The following PMFBP1 variants were observed in gnomAD, a reference collection of about 807,000 sequenced individuals.
PMFBP1 encodes the protein polyamine modulated factor 1 binding protein 1, also known as polyamine-modulated factor 1-binding protein 1.
Under a neutral mutation model 137.8 loss-of-function variants are expected in PMFBP1, and 131 were observed. That is an observed-to-expected ratio of 0.95 (90% CI 0.82 to 1.10). The LOEUF (loss-of-function observed/expected upper bound fraction) is 1.10, where lower values mean the gene tolerates loss of function less well. Among genes scored for constraint, PMFBP1 ranks in the 50% least tolerant of loss-of-function variants. PMFBP1 has a pLI of 0.00. For synonymous variants in PMFBP1, 490 were observed against 450.4 expected (o/e 1.09, Z -1.11); for missense variants, 1,199 against 1,175.4 (o/e 1.02, Z -0.29).
intron 4 of PMFBP1, among the ~76,000 whole-genome samples, chr16:72,151,181 T>C (rs2042897469): frequency 6.6e-6 from 1 of 152,218 alleles, no homozygotes; most frequent in South Asian, 2.1e-4. Flanking sequence ...TATTTTTTCC[T>C]TCCCAGGCAT....
chr16:72,148,172 A>G (rs551558301), intron 5 of PMFBP1, among the ~76,000 whole-genome samples: 3 of 152,350 alleles, frequency 2.0e-5, no homozygotes, highest in African/African-American at 4.8e-5. Flanking sequence ...CATATACACC[A>G]TGGAATACTA....
rs151208185 is a variant in PMFBP1 at position 72,164,787 on chromosome 16, C to T, written c.142G>A (p.Glu48Lys). 6.3e-7 allele frequency: 1 copy of T among 1,596,880 alleles called. No individual in the cohort carries two copies. Among genetic ancestry groups the T allele is most frequent in the African/African-American group, 1.3e-5 (1 of 74,630 alleles). ...KTLQDNQLCM[E>K]EAMNSSHDKK... is the part of the protein sequence containing the mutation. ...ACGTGGCTGCTGTTCATTGCCTCCT[C>T]CATGCAGAGCTGATTGTCCTGCAAG... The change falls in exon 3 of 21, where the codon GAG becomes AAG. Residue 48 changes from glutamate (E) to lysine (K), a missense_variant. Glu to Lys is a moderately conservative substitution (Grantham distance 56). Transcript: ENST00000237353.
the PMFBP1 span, among the ~76,000 whole-genome samples, chr16:72,205,800 A>T: frequency 6.6e-6 from 1 of 152,078 alleles, no homozygotes; most frequent in East Asian, 1.9e-4. Flanking sequence ...ATTTTTATCC[A>T]CAGAATTCAG....
At chr16:72,221,400 C>T in the PMFBP1 span, among the ~76,000 whole-genome samples, 1 of 152,238 alleles carries the variant, frequency 6.6e-6, no homozygotes, top group South Asian at 2.1e-4. Context: ...TGGCCCGCTG[C>T]TCCGGCAATT....
At position 72,122,995 on chromosome 16, in the gene PMFBP1, T is replaced by G. The variant is rs2042398709; in HGVS notation, c.2694-7A>C. The G allele has an allele frequency of 6.2e-7, 1 of 1,611,728 alleles. No individual in the cohort carries two copies. Among genetic ancestry groups the G allele is most frequent in the Non-Finnish European group, 8.5e-7 (1 of 1,179,484 alleles). ...TAGTTTCTCATTGGCGACCCTGTAA[T>G]AAAATCACAGGAGAAAACAGCAGCC... On this transcript the variant is annotated splice_region_variant and splice_polypyrimidine_tract_variant and intron_variant, in intron 18 of 20. Transcript: ENST00000237353.
At chr16:72,219,551 G>GT in the PMFBP1 span, among the ~76,000 whole-genome samples, 1 of 117,740 alleles carries the variant, frequency 8.5e-6, no homozygotes, top group Non-Finnish European at 1.7e-5. Flanking sequence ...CTCAATGTGG[G>GT]CGGGGGGGCC....
chr16:72,205,349 C>T, the PMFBP1 span, among the ~76,000 whole-genome samples: 9 of 152,214 alleles, frequency 5.9e-5, no homozygotes, highest in East Asian at 1.9e-4. Flanking sequence ...CTCCTGCTAC[C>T]GATTTTCCCT....
At chr16:72,132,709 C>T in intron 10 of PMFBP1, 39 bp downstream of exon 10, 2 of 1,613,118 alleles carry the variant, frequency 1.2e-6, no homozygotes, top group Non-Finnish European at 1.7e-6. Flanking sequence ...TCTAGCCCCA[C>T]AGAAAAGTGT....
the PMFBP1 span, among the ~76,000 whole-genome samples, chr16:72,200,845 A>T: frequency 8.5e-5 from 13 of 152,216 alleles, no homozygotes; most frequent in Non-Finnish European, 1.9e-4. Context: ...ATAGAATCAC[A>T]CAGAGTAAGG....
At chr16:72,134,605 C>T (rs1440809289) in intron 9 of PMFBP1, among the ~76,000 whole-genome samples, 3 of 152,350 alleles carry the variant, frequency 2.0e-5, no homozygotes, top group Middle Eastern at 6.8e-3. Context: ...TGGTCCTAGG[C>T]TACCTGTCTG....
intron 2 of PMFBP1, among the ~76,000 whole-genome samples, chr16:72,167,691 G>A (rs2043164921): frequency 6.6e-6 from 1 of 152,168 alleles, no homozygotes; most frequent in Non-Finnish European, 1.5e-5. Context: ...CTGGCCACAG[G>A]ACTGTCTTTC....
intron 2 of PMFBP1, among the ~76,000 whole-genome samples, chr16:72,170,358 G>A (rs1056923443): frequency 6.6e-6 from 1 of 152,048 alleles, no homozygotes; most frequent in Non-Finnish European, 1.5e-5. Flanking sequence ...TGGTACATGG[G>A]ACAATCCTTT....
chr16:72,211,354 G>A, the PMFBP1 span, among the ~76,000 whole-genome samples: 1 of 152,120 alleles, frequency 6.6e-6, no homozygotes, highest in Non-Finnish European at 1.5e-5. Context: ...TTTCTTCTCT[G>A]AATAAACTAG....
At chr16:72,124,681 C>T in intron 17 of PMFBP1, 86 bp downstream of exon 17, 1 of 1,502,962 alleles carries the variant, frequency 6.7e-7, no homozygotes, top group Non-Finnish European at 9.0e-7. Context: ...CTCCCACCCC[C>T]ACCAAGGGCT....
the PMFBP1 span, among the ~76,000 whole-genome samples, chr16:72,209,274 C>A: frequency 2.0e-5 from 3 of 152,224 alleles, no homozygotes; most frequent in Non-Finnish European, 4.4e-5. Flanking sequence ...ATGTAAGTTG[C>A]TGCCAAACAT....
intron 5 of PMFBP1, among the ~76,000 whole-genome samples, chr16:72,150,034 T>C (rs1186981585): frequency 1.3e-5 from 2 of 152,208 alleles, no homozygotes; most frequent in Non-Finnish European, 2.9e-5. Context: ...ATCGTATTAC[T>C]TGTGTAATTA....
intron 12 of PMFBP1, 92 bp from the exon 13 acceptor site, chr16:72,129,325 G>A: frequency 1.4e-6 from 2 of 1,389,366 alleles, no homozygotes; most frequent in Non-Finnish European, 1.9e-6. Flanking sequence ...GCATGGCTGA[G>A]ATGAAGAAGA....
chr16:72,148,320 T>C (rs1206111694), intron 5 of PMFBP1, among the ~76,000 whole-genome samples: 1 of 128,078 alleles, frequency 7.8e-6, no homozygotes, highest in Non-Finnish European at 1.5e-5. Context: ...AGTTGAACAA[T>C]GAGAACACAT....
At chr16:72,144,261 G>C (rs1298863245) in intron 5 of PMFBP1, among the ~76,000 whole-genome samples, 1 of 151,964 alleles carries the variant, frequency 6.6e-6, no homozygotes, top group Admixed American at 6.6e-5. Flanking sequence ...TACATAATTT[G>C]AAAGTCAGTC....
Sources: gnomAD v4.1 joint callset for allele counts (sites outside exome capture counted in the v4.1 genomes callset) on GRCh38, gnomAD v4.1.1 for gene constraint, MANE v1.5 for transcripts, NCBI Gene and HGNC (gene_info 2026-07-23, HGNC 2026-07-21) for gene names.